The following SOS2 variants were observed in gnomAD, a reference collection of about 807,000 sequenced individuals.
SOS2 encodes SOS Ras/Rho guanine nucleotide exchange factor 2.
A neutral mutation model predicts 148.2 loss-of-function variants in SOS2; 65 were observed. That is an observed-to-expected ratio of 0.44 (90% CI 0.36 to 0.54). The LOEUF (loss-of-function observed/expected upper bound fraction) is 0.54. SOS2 is among the 20% of genes least tolerant of loss of function. The pLI, the probability that SOS2 is intolerant of heterozygous loss-of-function variation, is 0.00. For synonymous variants in SOS2, 539 were observed against 537.1 expected, an observed-to-expected ratio of 1.00 and a Z score of -0.05; for missense variants, 1,341 against 1,590.2, an observed-to-expected ratio of 0.84 and a Z score of 2.67.
chr14:50,118,329 T>C lies in SOS2; in HGVS notation c.*15A>G. On this transcript the variant is annotated 3_prime_UTR_variant, in exon 23 of 23. Coordinates refer to ENST00000216373, the MANE Select transcript of SOS2 (RefSeq NM_006939.4). ...CAAATACCATTCCAGTGTCAATGAC[T>C]ACATATGGCTAAGGTCATTGGGGAG... 6 of 1,598,610 alleles carry C rather than the reference T, an allele frequency of 3.8e-6. No individual in the cohort carries two copies. The highest frequency in any genetic ancestry group is 5.1e-6 in the Non-Finnish European group (6 of 1,169,868).
chr14:50,146,287 A>G (rs1156569778), intron 14 of SOS2, among the ~76,000 whole-genome samples: 4 of 152,224 alleles, frequency 2.6e-5, no homozygotes, highest in African/African-American at 9.6e-5. Flanking sequence ...CTGAAGAGAT[A>G]CATATCGGAT....
At chr14:50,147,650 AAG>A (rs1884533591) in intron 14 of SOS2, among the ~76,000 whole-genome samples, 1 of 152,222 alleles carries the variant, frequency 6.6e-6, no homozygotes, top group Non-Finnish European at 1.5e-5. Context: ...TCTTAGGGGA[AAG>A]AGAGCAATAA....
chr14:50,168,749 G>A (rs759347225), intron 8 of SOS2, among the ~76,000 whole-genome samples: 2 of 152,122 alleles, frequency 1.3e-5, no homozygotes, highest in African/African-American at 4.8e-5. Context: ...ACTTTGGGAT[G>A]AGAATCATAA....
rs148382918 is a variant in SOS2, at chr14:50,210,932, C to T, written c.88-6523G>A. Among the ~76,000 whole-genome samples the T allele has an allele frequency of 5.7e-4, 87 of 152,170 alleles. No individual in the cohort carries two copies. The East Asian group carries it at 0.016, about 27-fold the overall frequency. On this transcript the variant is annotated intron_variant, in intron 1 of 22. Transcript: ENST00000216373. ...GAGCAATGGGAACGATCACACACTG[C>T]TACTGGAATGTAAAATGTTTCAATC... is the stretch of plus-strand genomic sequence containing the variant.
chr14:50,170,811 T>TAAA (rs537159978), intron 8 of SOS2, among the ~76,000 whole-genome samples: 36 of 130,338 alleles, frequency 2.8e-4, no homozygotes, highest in Non-Finnish European at 4.5e-4. Flanking sequence ...TGACTATTAT[T>TAAA]AAAAAAAAAA....
Position 50,158,613 on chromosome 14 carries a change from T to C in SOS2, c.1886A>G (p.Tyr629Cys). ...PNFVRTFLTT[Y>C]RSFCKPQELL... ...TTCCTGTGGTTTACAAAATGAACGA[T>C]ATGTGGTAAGAAAAGTACGAACAAA... Residue 629 changes from tyrosine to cysteine, a missense_variant, in exon 11 of 23, where the codon TAT becomes TGT. Physicochemically the swap from Tyr to Cys is radical, Grantham distance 194. Coordinates refer to ENST00000216373, the MANE Select transcript of SOS2 (RefSeq NM_006939.4). 2 of 1,610,100 alleles carry C rather than the reference T, an allele frequency of 1.2e-6. No homozygotes were observed. Among genetic ancestry groups the C allele is most frequent in the Non-Finnish European group, 1.7e-6 (2 of 1,177,898 alleles).
At chr14:50,231,072 T>A in intron 1 of SOS2, 125 bp downstream of exon 1, 2 of 584,602 alleles carry the variant, frequency 3.4e-6, no homozygotes, top group Non-Finnish European at 5.0e-6. Flanking sequence ...GAGCCCCCCA[T>A]TGCCAGCCAA....
At chr14:50,136,591 CTTT>C (rs33937285) in intron 18 of SOS2, among the ~76,000 whole-genome samples, 376 of 139,360 alleles carry the variant, frequency 2.7e-3, no homozygotes, top group South Asian at 4.2e-3. Context: ...GAGCAAGTAT[CTTT>C]TTTTTTTTTT....
At chr14:50,207,264 G>T (rs1023195820) in intron 1 of SOS2, among the ~76,000 whole-genome samples, 2 of 152,138 alleles carry the variant, frequency 1.3e-5, no homozygotes, top group Non-Finnish European at 2.9e-5. Flanking sequence ...TGTAATCCCA[G>T]CACTTTGGGA....
At chr14:50,169,540 T>C (rs1279819037) in intron 8 of SOS2, among the ~76,000 whole-genome samples, 2 of 151,526 alleles carry the variant, frequency 1.3e-5, no homozygotes, top group Non-Finnish European at 2.9e-5. Context: ...CTTGGGAGGC[T>C]GAGGCAGGAG....
intron 5 of SOS2, among the ~76,000 whole-genome samples, chr14:50,187,396 G>C (rs1250883884): frequency 7.2e-6 from 1 of 139,034 alleles, no homozygotes; most frequent in Admixed American, 7.8e-5. Flanking sequence ...CGCCCAGGCT[G>C]GAGTGCAGTG....
At chr14:50,133,597 T>C (rs2139526259) in intron 19 of SOS2, among the ~76,000 whole-genome samples, 1 of 152,340 alleles carries the variant, frequency 6.6e-6, no homozygotes, top group East Asian at 1.9e-4. Flanking sequence ...AGTTGGTTTG[T>C]GTTTTTACTT....
intron 6 of SOS2, among the ~76,000 whole-genome samples, chr14:50,181,447 CA>C (rs66495115): frequency 2.1e-5 from 3 of 146,048 alleles, no homozygotes; most frequent in Admixed American, 6.9e-5. Context: ...GACTCCATGT[CA>C]AAAAAAAAAA....
At chr14:50,127,920 G>A (rs970469531) in intron 21 of SOS2, among the ~76,000 whole-genome samples, 4 of 152,078 alleles carry the variant, frequency 2.6e-5, no homozygotes, top group African/African-American at 9.7e-5. Flanking sequence ...TCAAAATTCT[G>A]AGTCAAATTA....
intron 7 of SOS2, among the ~76,000 whole-genome samples, chr14:50,178,670 GCATATATATA>G (rs1185909983): frequency 0.36 from 24,203 of 67,842 alleles, 2,969 homozygotes; most frequent in East Asian, 0.55. Context: ...GTGTGTGTGT[GCATATATATA>G]TATATATATA....
intron 16 of SOS2, among the ~76,000 whole-genome samples, chr14:50,140,891 A>G (rs1323343933): frequency 6.6e-6 from 1 of 152,146 alleles, no homozygotes; most frequent in Non-Finnish European, 1.5e-5. Context: ...GATATCATCA[A>G]TAAAGAAATC....
intron 1 of SOS2, among the ~76,000 whole-genome samples, chr14:50,230,595 C>G (rs1001328640): frequency 6.6e-6 from 1 of 152,198 alleles, no homozygotes; most frequent in Non-Finnish European, 1.5e-5. Context: ...ACTGAAGACA[C>G]TGACCAAATT....
Position 50,189,331 on chromosome 14 carries a change from C to CAAAAAAAAAAAAAA in SOS2, c.511-645_511-632dup, listed in dbSNP as rs761860061. Among the ~76,000 whole-genome samples, 35 of 31,466 alleles carry CAAAAAAAAAAAAAA rather than the reference C, an allele frequency of 1.1e-3. 5 individuals are homozygous for CAAAAAAAAAAAAAA. The highest frequency in any genetic ancestry group is 2.3e-3 in the East Asian group (2 of 870). 20.6% of individuals were successfully genotyped at this position (31,466 alleles called of 152,430 possible). ...ACACACACACACACACACATAATAG[C>CAAAAAAAAAAAAAA]AAAAAAAAAAAAAAAAAGCAAGCCT... On this transcript the variant is annotated intron_variant, in intron 4 of 22. Transcript: ENST00000216373.
At chr14:50,144,906 G>A (rs1427778950) in intron 16 of SOS2, among the ~76,000 whole-genome samples, 2 of 151,992 alleles carry the variant, frequency 1.3e-5, no homozygotes, top group Non-Finnish European at 2.9e-5. Flanking sequence ...TTTAGGTTAA[G>A]TACATTACAC....
Sources: allele counts gnomAD v4.1 joint callset (sites outside exome capture counted in the v4.1 genomes callset), GRCh38; gene constraint gnomAD v4.1.1; transcripts MANE v1.5; gene names NCBI Gene and HGNC (gene_info 2026-07-23, HGNC 2026-07-21).